The following GPHN variants were observed in gnomAD, a reference collection of about 807,000 sequenced individuals.
GPHN encodes the protein gephyrin.
A neutral mutation model predicts 95.5 loss-of-function variants in GPHN; 17 were observed. The ratio of observed to expected loss-of-function variants is 0.18; its 90% CI spans 0.12 to 0.27. The LOEUF (loss-of-function observed/expected upper bound fraction) is 0.27, where lower values mean the gene tolerates loss of function less well. Ranked by LOEUF, GPHN falls within the 10% of genes least tolerant of loss-of-function variation. GPHN has a pLI of 1.00. For synonymous variants in GPHN, 320 were observed against 322.5 expected (o/e 0.99, Z 0.08); for missense variants, 660 against 978.1 (o/e 0.67, Z 4.34).
chr14:66,996,333 G>A, intron 9 of GPHN: 3 of 721,160 alleles, frequency 4.2e-6, no homozygotes, highest in Non-Finnish European at 7.3e-6. Context: ...GCACTTGCCT[G>A]AAAGGGATGA....
the GPHN span, chr14:67,515,454 G>C: frequency 1.7e-5 from 3 of 171,794 alleles, no homozygotes; most frequent in Non-Finnish European, 3.6e-5. Flanking sequence ...CCCATAGTAC[G>C]GATGCGCTGC....
intron 8 of GPHN, among the ~76,000 whole-genome samples, chr14:66,943,051 G>A (rs1010659817): frequency 6.6e-6 from 1 of 152,084 alleles, no homozygotes; most frequent in Non-Finnish European, 1.5e-5. Context: ...TCAATGCTCA[G>A]TTCACTGAAA....
chr14:66,551,477 T>C (rs1410127061), intron 1 of GPHN, among the ~76,000 whole-genome samples: 2 of 152,214 alleles, frequency 1.3e-5, no homozygotes, highest in African/African-American at 4.8e-5. Context: ...TTTCCTATAC[T>C]TGATACTGCC....
At chr14:67,385,439 CA>C in the GPHN span, 133 of 98,646 alleles carry the variant, frequency 1.3e-3, no homozygotes, top group Non-Finnish European at 1.9e-3. Flanking sequence ...GACCCTGTCT[CA>C]AAAAAAAAAA....
the GPHN span, chr14:67,364,995 G>A: frequency 6.3e-7 from 1 of 1,591,832 alleles, no homozygotes; most frequent in Admixed American, 1.7e-5. Flanking sequence ...TCATTAGGGT[G>A]GACAAAGAAA....
chr14:67,525,796 T>C, the GPHN span, among the ~76,000 whole-genome samples: 1 of 152,208 alleles, frequency 6.6e-6, no homozygotes. Flanking sequence ...AAAAGAACCA[T>C]GATCTTCTCA....
At chr14:67,379,672 T>TTTTTTTTTTG in the GPHN span, among the ~76,000 whole-genome samples, 1 of 138,554 alleles carries the variant, frequency 7.2e-6, no homozygotes, top group African/African-American at 2.9e-5. Context: ...TTTTTTTTTT[T>TTTTTTTTTTG]GAGACGGAGT....
rs563996200 is a variant in GPHN at position 66,840,776 on chromosome 14, C to T, written c.294+16210C>T. Among the ~76,000 whole-genome samples, 7 of 149,962 alleles carry T rather than the reference C, an allele frequency of 4.7e-5. No individual in the cohort carries two copies. In the East Asian group the frequency reaches 1.2e-3, roughly 25 times the overall value. On this transcript the variant is annotated intron_variant, in intron 4 of 22. Transcript: ENST00000478722. ...AAAACAGGAAATGGGCAGGATTTGG[C>T]CCTTGGGCTGTAGTTTGCCAACCCC...
the GPHN span, among the ~76,000 whole-genome samples, chr14:67,430,169 AC>A: frequency 5.3e-5 from 8 of 152,310 alleles, no homozygotes; most frequent in South Asian, 1.7e-3. Flanking sequence ...GGCCACAATC[AC>A]ACATTCCAGT....
intron 2 of GPHN, among the ~76,000 whole-genome samples, chr14:66,687,750 A>G (rs2067487719): frequency 6.6e-6 from 1 of 152,220 alleles, no homozygotes; most frequent in East Asian, 1.9e-4. Context: ...CGGCCTCCCA[A>G]AGTGCTGGGA....
At chr14:67,071,276 A>G (rs1351514791) in intron 11 of GPHN, among the ~76,000 whole-genome samples, 1 of 152,210 alleles carries the variant, frequency 6.6e-6, no homozygotes, top group Admixed American at 6.5e-5. Flanking sequence ...AATGTGACAC[A>G]TATACACCAT....
At chr14:67,120,108 AG>A in intron 16 of GPHN, among the ~76,000 whole-genome samples, 1 of 151,716 alleles carries the variant, frequency 6.6e-6, no homozygotes. Context: ...CCTGTGCAAC[AG>A]AATAAGACTC....
chr14:67,235,648 G>T, the GPHN span, among the ~76,000 whole-genome samples: 1 of 152,098 alleles, frequency 6.6e-6, no homozygotes, highest in Non-Finnish European at 1.5e-5. Flanking sequence ...CCACGAGGCA[G>T]AGCTCGCAGT....
At chr14:66,745,765 C>A (rs1331800200) in intron 2 of GPHN, among the ~76,000 whole-genome samples, 1 of 151,820 alleles carries the variant, frequency 6.6e-6, no homozygotes, top group Non-Finnish European at 1.5e-5. Flanking sequence ...AATGAGTGTT[C>A]ATGATGCCCT....
At chr14:67,326,504 A>G in the GPHN span, among the ~76,000 whole-genome samples, 1 of 152,086 alleles carries the variant, frequency 6.6e-6, no homozygotes, top group African/African-American at 2.4e-5. Flanking sequence ...CCTACAATAC[A>G]TGCATTTTAG....
chr14:66,848,483 C>T (rs1266658567), intron 4 of GPHN, among the ~76,000 whole-genome samples: 1 of 152,078 alleles, frequency 6.6e-6, no homozygotes, highest in East Asian at 1.9e-4. Context: ...CATGGTAAGG[C>T]TAAAGGCCAT....
intron 8 of GPHN, among the ~76,000 whole-genome samples, chr14:66,942,012 G>C (rs1296067305): frequency 1.3e-5 from 2 of 152,090 alleles, no homozygotes; most frequent in Non-Finnish European, 2.9e-5. Context: ...TTGTGTTGTT[G>C]TTTACTTGTT....
chr14:67,410,736 C>T, the GPHN span, among the ~76,000 whole-genome samples: 8 of 152,224 alleles, frequency 5.3e-5, no homozygotes, highest in African/African-American at 1.9e-4. Context: ...CCTCATCCCT[C>T]TTCATTCCCC....
the GPHN span, chr14:67,345,750 A>T: frequency 6.4e-7 from 1 of 1,558,372 alleles, no homozygotes; most frequent in Non-Finnish European, 8.9e-7. Context: ...GGAGTTCTCC[A>T]GGTCTTTTGC....
Sources: gnomAD v4.1 joint callset for allele counts (sites outside exome capture counted in the v4.1 genomes callset) on GRCh38, gnomAD v4.1.1 for gene constraint, MANE v1.5 for transcripts, NCBI Gene and HGNC (gene_info 2026-07-23, HGNC 2026-07-21) for gene names.